The following MAST4 variants were observed in gnomAD, a reference collection of about 807,000 sequenced individuals.
MAST4 encodes the protein microtubule associated serine/threonine kinase family member 4.
A neutral mutation model predicts 162.7 loss-of-function variants in MAST4; 89 were observed. The observed-to-expected ratio is 0.55, with a 90% confidence interval of 0.46 to 0.65. MAST4 has a LOEUF of 0.65. Among genes scored for constraint, MAST4 ranks in the 30% least tolerant of loss-of-function variants. The probability of loss-of-function intolerance (pLI) is 0.00; values close to 1 mark genes in which losing one functional copy is unlikely to be tolerated. For missense variants in MAST4, 3,153 were observed against 3,374.0 expected (o/e 0.93, Z 1.62); for synonymous variants, 1,479 against 1,361.1 (o/e 1.09, Z -1.91).
intron 1 of MAST4, among the ~76,000 whole-genome samples, chr5:66,745,070 C>G (rs982648289): frequency 6.6e-6 from 1 of 152,142 alleles, no homozygotes; most frequent in Non-Finnish European, 1.5e-5. Context: ...GTGTATTGAT[C>G]ATTAATTGAC....
At chr5:67,078,936 A>ATATATATATATG (rs1561622657) in intron 5 of MAST4, among the ~76,000 whole-genome samples, 2 of 101,356 alleles carry the variant, frequency 2.0e-5, no homozygotes, top group East Asian at 4.7e-4. Flanking sequence ...ATATATATAT[A>ATATATATATATG]TATATATATA....
intron 4 of MAST4, among the ~76,000 whole-genome samples, chr5:66,904,928 C>G (rs150863654): frequency 1.3e-5 from 2 of 152,086 alleles, no homozygotes; most frequent in African/African-American, 4.8e-5. Context: ...CCCCTTGCCT[C>G]CCTGCACTAA....
At chr5:66,940,060 C>T (rs983587426) in intron 4 of MAST4, among the ~76,000 whole-genome samples, 1 of 152,036 alleles carries the variant, frequency 6.6e-6, no homozygotes, top group African/African-American at 2.4e-5. Context: ...GAGCAAGACC[C>T]TGTCTCATAA....
At chr5:66,882,578 ATTTTTCT>A (rs1381563718) in intron 3 of MAST4, among the ~76,000 whole-genome samples, 1 of 151,940 alleles carries the variant, frequency 6.6e-6, no homozygotes, top group Non-Finnish European at 1.5e-5. Flanking sequence ...TTCAGGCTAG[ATTTTTCT>A]TTTTTGTTTT....
chr5:66,785,965 C>T (rs1350034912), intron 2 of MAST4, among the ~76,000 whole-genome samples: 1 of 152,122 alleles, frequency 6.6e-6, no homozygotes, highest in African/African-American at 2.4e-5. Flanking sequence ...ACCTCCTAGG[C>T]TCACGAGGTC....
At chr5:66,773,686 CT>C (rs1484281427) in intron 2 of MAST4, among the ~76,000 whole-genome samples, 1 of 152,178 alleles carries the variant, frequency 6.6e-6, no homozygotes, top group Non-Finnish European at 1.5e-5. Flanking sequence ...TACACAGCAG[CT>C]TTTGGTGAGC....
At chr5:67,085,155 A>G (rs1366339) in intron 5 of MAST4, among the ~76,000 whole-genome samples, 2,158 of 152,200 alleles carry the variant, frequency 0.014, 30 homozygotes, top group African/African-American at 0.037. Context: ...CTCCATCTCA[A>G]TTAATGCCAC....
chr5:66,965,588 G>T (rs1250396265), intron 4 of MAST4, among the ~76,000 whole-genome samples: 7 of 4,560 alleles, frequency 1.5e-3, no homozygotes, highest in African/African-American at 2.9e-3. Context: ...TGGTGGGGGC[G>T]GGGGGGGGGG....
intron 8 of MAST4, among the ~76,000 whole-genome samples, chr5:67,101,400 C>T (rs1010170124): frequency 6.6e-5 from 10 of 152,138 alleles, no homozygotes; most frequent in East Asian, 5.8e-4. Context: ...CAGCCTCAGG[C>T]GAGATGACTC....
At chr5:66,755,381 A>G (rs1169915271) in intron 1 of MAST4, among the ~76,000 whole-genome samples, 2 of 152,244 alleles carry the variant, frequency 1.3e-5, no homozygotes, top group Admixed American at 6.5e-5. Context: ...TATGAATTAC[A>G]GAACCCATGT....
At position 67,111,509 on chromosome 5, in the gene MAST4, G is replaced by T. The variant is rs570987435; in HGVS notation, c.1458+1310G>T. On this transcript the variant is annotated intron_variant, in intron 11 of 28. Coordinates refer to ENST00000403625, the MANE Select transcript of MAST4 (RefSeq NM_001164664.2). ...ATCATAGAATCAAACACACCATTTG[G>T]CATTGAGTGTCTCTGGAAGGCTAAA... is the stretch of plus-strand genomic sequence containing the variant. Among the ~76,000 whole-genome samples, 4 of 152,200 alleles carry T rather than the reference G, an allele frequency of 2.6e-5. 1 individual carries two copies. The South Asian group carries it at 6.2e-4, about 24-fold the overall frequency.
chr5:66,681,322 A>T (rs958497137), intron 1 of MAST4, among the ~76,000 whole-genome samples: 10 of 152,122 alleles, frequency 6.6e-5, no homozygotes, highest in Admixed American at 2.0e-4. Context: ...GTGAATCCAG[A>T]TCTCCCAGTA....
chr5:67,134,934 AT>A (rs936972583), intron 18 of MAST4, among the ~76,000 whole-genome samples: 2 of 152,136 alleles, frequency 1.3e-5, no homozygotes, highest in Non-Finnish European at 2.9e-5. Flanking sequence ...CAACAAAACC[AT>A]TTTTTATAGT....
At chr5:66,702,434 C>T (rs10940079) in intron 1 of MAST4, among the ~76,000 whole-genome samples, 16,987 of 152,078 alleles carry the variant, frequency 0.11, 1,045 homozygotes, top group Admixed American at 0.16. Context: ...GGTCCAGTGG[C>T]GTGCTAAGAT....
chr5:67,162,958 TAAGTC>T (rs1218517808), intron 28 of MAST4, among the ~76,000 whole-genome samples, 170 bp downstream of exon 28: 1 of 152,162 alleles, frequency 6.6e-6, no homozygotes, highest in Non-Finnish European at 1.5e-5. Flanking sequence ...ACCAAACAAA[TAAGTC>T]AAGAAGTATG....
At chr5:66,772,869 T>G (rs1640281165) in intron 2 of MAST4, among the ~76,000 whole-genome samples, 1 of 152,196 alleles carries the variant, frequency 6.6e-6, no homozygotes, top group Non-Finnish European at 1.5e-5. Context: ...TTAGCTACCA[T>G]GGTGAGGGAG....
intron 5 of MAST4, among the ~76,000 whole-genome samples, chr5:67,075,164 T>G (rs889038581): frequency 7.3e-5 from 11 of 151,032 alleles, no homozygotes; most frequent in Admixed American, 2.0e-4. Context: ...GGAATGAGTT[T>G]TTTTTTTTTT....
chr5:66,668,338 G>A (rs1486240608), intron 1 of MAST4, among the ~76,000 whole-genome samples: 6 of 152,102 alleles, frequency 3.9e-5, no homozygotes, highest in Non-Finnish European at 7.4e-5. Flanking sequence ...TACTTTCTTT[G>A]ACTTTTAGTC....
At chr5:66,705,295 G>C (rs1750059663) in intron 1 of MAST4, among the ~76,000 whole-genome samples, 1 of 152,156 alleles carries the variant, frequency 6.6e-6, no homozygotes, top group African/African-American at 2.4e-5. Context: ...TATAGCATGA[G>C]CATGTTTAGA....
Sources: allele counts gnomAD v4.1 joint callset (sites outside exome capture counted in the v4.1 genomes callset), GRCh38; gene constraint gnomAD v4.1.1; transcripts MANE v1.5; gene names NCBI Gene and HGNC (gene_info 2026-07-23, HGNC 2026-07-21).